Variants in EMB observed in about 807,000 individuals in gnomAD.
The protein encoded by EMB is embigin homolog.
EMB carries 31 observed loss-of-function variants against 41.4 expected under a neutral mutation model. The ratio of observed to expected loss-of-function variants is 0.75; its 90% CI spans 0.56 to 1.01. The LOEUF is 1.01. EMB is among the 50% of genes least tolerant of loss of function. The pLI, the probability that EMB is intolerant of heterozygous loss-of-function variation, is 0.00. For synonymous variants in EMB, 137 were observed against 140.4 expected, an observed-to-expected ratio of 0.98 and a Z score of 0.17; for missense variants, 379 against 388.3, an observed-to-expected ratio of 0.98 and a Z score of 0.20.
chr5:50,419,289 A>G (rs1235370558), intron 2 of EMB, among the ~76,000 whole-genome samples: 1 of 152,146 alleles, frequency 6.6e-6, no homozygotes, highest in Admixed American at 6.6e-5. Flanking sequence ...TCCAATCTTT[A>G]TATCTAATTT....
intron 4 of EMB, among the ~76,000 whole-genome samples, chr5:50,408,057 G>A (rs1319706529): frequency 6.6e-6 from 1 of 151,912 alleles, no homozygotes; most frequent in East Asian, 1.9e-4. Flanking sequence ...TGGGATCCAG[G>A]GCTGAAGTCC....
intron 4 of EMB, among the ~76,000 whole-genome samples, chr5:50,409,337 T>G (rs1429345628): frequency 6.6e-6 from 1 of 152,106 alleles, no homozygotes; most frequent in Admixed American, 6.6e-5. Context: ...ATCTTCAATA[T>G]TGAAAGCAGG....
At chr5:50,403,531 TATAAG>T (rs1745201842) in intron 5 of EMB, 77 bp from the exon 6 acceptor site, 1 of 1,470,926 alleles carries the variant, frequency 6.8e-7, no homozygotes. Context: ...CAGTGAAAGC[TATAAG>T]ATAATGCCAA....
In EMB at chr5:50,428,211, A is replaced by C. The variant is rs1455606009; in HGVS notation, c.129T>G (p.Ser43Arg). The change falls in exon 2 of 9, where the codon AGT (serine) becomes AGG (arginine). Residue 43 changes from serine to arginine, a missense_variant. Physicochemically the swap from Ser to Arg is moderately radical, Grantham distance 110. Transcript: ENST00000303221. ...DGSAPDSPFT[S>R]PPLREEIMAN... ...CCATTATTTCTTCTCTGAGAGGTGG[A>C]CTTGTAAAAGGCGAATCTATAAGAG... The C allele has an allele frequency of 6.2e-7, 1 of 1,611,682 alleles. No individual in the cohort carries two copies.
chr5:50,419,129 G>A (rs1418827021), intron 2 of EMB, among the ~76,000 whole-genome samples: 2 of 152,296 alleles, frequency 1.3e-5, no homozygotes, highest in Non-Finnish European at 2.9e-5. Flanking sequence ...AGCAGTCCAG[G>A]ACTCAGATCA....
chr5:50,419,157 T>C (rs372552406), intron 2 of EMB, among the ~76,000 whole-genome samples: 1 of 152,218 alleles, frequency 6.6e-6, no homozygotes, highest in Non-Finnish European at 1.5e-5. Flanking sequence ...CCTGGCCCTG[T>C]ATGCTCCCCT....
chr5:50,401,346 T>C (rs1312285679), intron 7 of EMB, among the ~76,000 whole-genome samples: 1 of 152,050 alleles, frequency 6.6e-6, no homozygotes, highest in African/African-American at 2.4e-5. Context: ...AACTGTCTGC[T>C]CCACTCCTGC....
rs1375233985 is a variant in EMB, at chr5:50,396,663, A to AGCCTACAG, written c.*2609_*2610insCTGTAGGC. On this transcript the variant is annotated 3_prime_UTR_variant, in exon 9 of 9. Coordinates refer to ENST00000303221, the MANE Select transcript of EMB (RefSeq NM_198449.3). ...GCAATTTGGAGAATGCAATATTAAG[A>AGCCTACAG]AATGGCAAAGGTGAGCCTACAGAGA... 1.3e-5 allele frequency: 2 copies of AGCCTACAG among 152,160 alleles called. No homozygotes were observed. Among genetic ancestry groups the AGCCTACAG allele is most frequent in the Admixed American group, 1.3e-4 (2 of 15,262 alleles). 9.4% of individuals were successfully genotyped at this position (152,160 alleles called of 1,614,324 possible). A position where few individuals can be genotyped will look rare whatever the true frequency, so the allele number is the denominator to read the frequency against.
At chr5:50,417,382 A>G (rs1352487404) in intron 2 of EMB, among the ~76,000 whole-genome samples, 1 of 152,228 alleles carries the variant, frequency 6.6e-6, no homozygotes, top group African/African-American at 2.4e-5. Flanking sequence ...AATTTATAAA[A>G]CATAATACTA....
intron 2 of EMB, among the ~76,000 whole-genome samples, chr5:50,418,071 T>C (rs1471746326): frequency 6.6e-6 from 1 of 152,208 alleles, no homozygotes; most frequent in African/African-American, 2.4e-5. Flanking sequence ...AATTCCAGAA[T>C]TGCATGTCTC....
chr5:50,402,136 G>A, intron 7 of EMB, 150 bp downstream of exon 7: 4 of 741,764 alleles, frequency 5.4e-6, no homozygotes, highest in Non-Finnish European at 9.3e-6. Flanking sequence ...CAGGTAGGCA[G>A]ACTTGGAAAG....
chr5:50,422,601 C>G (rs1429370920), intron 2 of EMB, among the ~76,000 whole-genome samples: 1 of 151,936 alleles, frequency 6.6e-6, no homozygotes, highest in East Asian at 1.9e-4. Flanking sequence ...TTCTCACACA[C>G]AAAACATAAA....
At chr5:50,436,686 C>T (rs1248709459) in intron 1 of EMB, among the ~76,000 whole-genome samples, 1 of 152,192 alleles carries the variant, frequency 6.6e-6, no homozygotes, top group Non-Finnish European at 1.5e-5. Context: ...ATACTCCACA[C>T]CAGGCTGCCC....
chr5:50,416,107 G>A (rs762817087), intron 2 of EMB, among the ~76,000 whole-genome samples: 11 of 152,106 alleles, frequency 7.2e-5, no homozygotes, highest in Admixed American at 1.3e-4. Flanking sequence ...AGAAATCACA[G>A]CATCAAAAAC....
chr5:50,424,583 T>C (rs931950627), intron 2 of EMB, among the ~76,000 whole-genome samples: 3 of 152,168 alleles, frequency 2.0e-5, no homozygotes, highest in African/African-American at 7.2e-5. Context: ...ACAAGATTAT[T>C]AAATCATGTG....
Position 50,441,092 on chromosome 5 carries a change from G to T in EMB, c.60C>A (p.Leu20=), listed in dbSNP as rs781246096. ...ARARTPRLLL[L]QCLLAAARPS... is the part of the protein sequence containing the mutation. The stretch of plus-strand genomic sequence containing the variant: ...GGCGCGCGGCAGCGAGAAGGCACTG[G>T]AGGAGGAGCAGCCGGGGCGTACGCG... The change falls in exon 1 of 9, where the codon CTC becomes CTA. Residue 20 remains leucine (L), a synonymous_variant. Transcript: ENST00000303221. The T allele has an allele frequency of 6.6e-7, 1 of 1,520,586 alleles. No individual in the cohort carries two copies. The allele number at this position is 1,520,586 out of a possible 1,614,324, so 94.2% of individuals were successfully genotyped here.
intron 5 of EMB, 113 bp from the exon 6 acceptor site, chr5:50,403,567 AG>A: frequency 8.4e-7 from 1 of 1,195,706 alleles, no homozygotes; most frequent in Non-Finnish European, 1.2e-6. Context: ...TACTAGAGAA[AG>A]GCATATTAAA....
At position 50,398,877 on chromosome 5, in the gene EMB, T is replaced by A. The variant is rs1032626908; in HGVS notation, c.*396A>T. On this transcript the variant is annotated 3_prime_UTR_variant, in exon 9 of 9. Coordinates refer to ENST00000303221, the MANE Select transcript of EMB (RefSeq NM_198449.3). ...ATACTAATAGTAAGTATGATTTTTTTTTAAAAAATAACTTTCTAAGACAAA... is the reference window on the plus strand; with the variant it reads ...ATACTAATAGTAAGTATGATTTTTTATTAAAAAATAACTTTCTAAGACAAA... The A allele has an allele frequency of 1.3e-5, 2 of 154,614 alleles. No individual in the cohort carries two copies. The highest frequency in any genetic ancestry group is 4.8e-5 in the African/African-American group (2 of 41,508). The allele number at this position is 154,614 out of a possible 1,614,324, so 9.6% of individuals were successfully genotyped here.
intron 2 of EMB, among the ~76,000 whole-genome samples, chr5:50,424,257 G>T (rs1745574246): frequency 1.3e-5 from 2 of 152,020 alleles, no homozygotes; most frequent in Non-Finnish European, 2.9e-5. Context: ...TGGCAGGAGG[G>T]TTTTCAGATT....
Sources: gnomAD v4.1 joint callset for allele counts (sites outside exome capture counted in the v4.1 genomes callset) on GRCh38, gnomAD v4.1.1 for gene constraint, MANE v1.5 for transcripts, NCBI Gene and HGNC (gene_info 2026-07-23, HGNC 2026-07-21) for gene names.